Variants in AUTS2 observed in about 807,000 individuals in gnomAD.
AUTS2 encodes activator of transcription and developmental regulator AUTS2, also known as autism susceptibility gene 2 protein.
AUTS2 carries 17 observed loss-of-function variants against 112.4 expected under a neutral mutation model. That is an observed-to-expected ratio of 0.15 (90% CI 0.10 to 0.23). The LOEUF (loss-of-function observed/expected upper bound fraction) is 0.23, where lower values mean the gene tolerates loss of function less well. Among genes scored for constraint, AUTS2 ranks in the 10% least tolerant of loss-of-function variants. AUTS2 has a pLI of 1.00. For missense variants in AUTS2, 1,510 were observed against 1,701.6 expected (o/e 0.89, Z 1.98); for synonymous variants, 751 against 702.7 (o/e 1.07, Z -1.09).
chr7:70,422,057 C>T (rs558840893), intron 4 of AUTS2, among the ~76,000 whole-genome samples: 1 of 152,082 alleles, frequency 6.6e-6, no homozygotes, highest in East Asian at 1.9e-4. Context: ...AGGAATTCTA[C>T]AAAGGGCAAA....
At chr7:70,535,550 A>C (rs978921836) in intron 5 of AUTS2, among the ~76,000 whole-genome samples, 1 of 152,002 alleles carries the variant, frequency 6.6e-6, no homozygotes, top group African/African-American at 2.4e-5. Context: ...GAGTAGCTGG[A>C]ATTACAGGCA....
intron 6 of AUTS2, among the ~76,000 whole-genome samples, chr7:70,742,024 G>T (rs781063646): frequency 6.6e-6 from 1 of 152,196 alleles, no homozygotes; most frequent in African/African-American, 2.4e-5. Flanking sequence ...CTAAGCAAAC[G>T]TTACATTCAC....
intron 6 of AUTS2, among the ~76,000 whole-genome samples, chr7:70,749,354 G>T (rs1342481590): frequency 6.6e-6 from 1 of 152,102 alleles, no homozygotes; most frequent in African/African-American, 2.4e-5. Context: ...GGGCTGGGCG[G>T]CACGGGGAGG....
Position 69,599,604 on chromosome 7 carries a change from C to T in AUTS2, c.-50C>T. On this transcript the variant is annotated 5_prime_UTR_variant, in exon 1 of 19. Transcript: ENST00000342771. The surrounding 1 kb of genome is among the most constrained non-coding windows in gnomAD (Gnocchi z 7.0). ...GTGTCAATTTTTTTTTGTGTGGCTG[C>T]GGCCGTAGCCTGTGGCGGGCAAGCG... The T allele has an allele frequency of 8.0e-7, 1 of 1,251,534 alleles. No homozygotes were observed. 77.5% of individuals were successfully genotyped at this position (1,251,534 alleles called of 1,614,324 possible).
At chr7:69,999,928 G>A (rs931552488) in intron 2 of AUTS2, among the ~76,000 whole-genome samples, 2 of 152,158 alleles carry the variant, frequency 1.3e-5, no homozygotes, top group Admixed American at 6.5e-5. Context: ...GTTCTACCAG[G>A]AGTGGCTCAT....
chr7:70,782,494 G>A (rs1791157103), intron 15 of AUTS2: 2 of 152,246 alleles, frequency 1.3e-5, no homozygotes, highest in Admixed American at 6.5e-5. Flanking sequence ...GACAGCGGCT[G>A]TAAGGACTGT....
At chr7:70,784,886 G>A in intron 15 of AUTS2, 56 bp from the exon 16 acceptor site, 1 of 1,529,384 alleles carries the variant, frequency 6.5e-7, no homozygotes, top group Admixed American at 1.7e-5. Flanking sequence ...GAAGCCGGTT[G>A]CATCTTCGAA....
At chr7:70,677,996 G>A (rs1265511040) in intron 5 of AUTS2, among the ~76,000 whole-genome samples, 1 of 152,038 alleles carries the variant, frequency 6.6e-6, no homozygotes, top group African/African-American at 2.4e-5. Context: ...GCAGGAGAAT[G>A]GCGTGAACCC....
At chr7:70,498,275 TTC>T (rs1313510922) in intron 5 of AUTS2, among the ~76,000 whole-genome samples, 2 of 152,238 alleles carry the variant, frequency 1.3e-5, no homozygotes, top group Non-Finnish European at 2.9e-5. Flanking sequence ...ATTTGAAAAC[TTC>T]TTAAATTCTG....
At chr7:70,107,398 C>T (rs1186589739) in intron 2 of AUTS2, among the ~76,000 whole-genome samples, 2 of 124,378 alleles carry the variant, frequency 1.6e-5, no homozygotes, top group African/African-American at 6.1e-5. Context: ...GGCTGGAGTT[C>T]AGTAGCGTGA....
chr7:70,520,951 T>A (rs1450745929), intron 5 of AUTS2, among the ~76,000 whole-genome samples: 1 of 152,220 alleles, frequency 6.6e-6, no homozygotes, highest in Admixed American at 6.5e-5. Flanking sequence ...TTCCTTTCAT[T>A]TTTTTTGCAG....
At chr7:70,093,700 T>A (rs940258080) in intron 2 of AUTS2, among the ~76,000 whole-genome samples, 1 of 152,204 alleles carries the variant, frequency 6.6e-6, no homozygotes, top group Non-Finnish European at 1.5e-5. Context: ...TGCCTGGGCT[T>A]AAGGCCAGGA....
At chr7:69,689,989 G>A (rs751946661) in intron 1 of AUTS2, among the ~76,000 whole-genome samples, 1 of 151,926 alleles carries the variant, frequency 6.6e-6, no homozygotes, top group Non-Finnish European at 1.5e-5. Flanking sequence ...CACTGCGCCC[G>A]GCCAACTCCT....
chr7:69,924,553 T>C (rs947787909), intron 2 of AUTS2, among the ~76,000 whole-genome samples: 4 of 151,620 alleles, frequency 2.6e-5, no homozygotes, highest in South Asian at 2.1e-4. Context: ...CTTTTCTTTT[T>C]TTTTTTTCTT....
At chr7:69,793,388 A>G (rs1281849491) in intron 1 of AUTS2, among the ~76,000 whole-genome samples, 3 of 152,208 alleles carry the variant, frequency 2.0e-5, no homozygotes, top group Non-Finnish European at 2.9e-5. Context: ...GGGGCCTGGG[A>G]CAGATAAGTA....
At chr7:69,866,532 C>A (rs1043295769) in intron 1 of AUTS2, among the ~76,000 whole-genome samples, 1 of 152,162 alleles carries the variant, frequency 6.6e-6, no homozygotes, top group Non-Finnish European at 1.5e-5. Flanking sequence ...GCTGGATGAT[C>A]ATCATTTTGA....
chr7:70,189,133 C>T (rs1160974213), intron 4 of AUTS2, among the ~76,000 whole-genome samples: 2 of 152,266 alleles, frequency 1.3e-5, no homozygotes, highest in African/African-American at 4.8e-5. Flanking sequence ...TGCGTAGGCT[C>T]ATCCTCATTT....
At chr7:70,052,125 TAG>T (rs2129559425) in intron 2 of AUTS2, among the ~76,000 whole-genome samples, 1 of 152,300 alleles carries the variant, frequency 6.6e-6, no homozygotes, top group East Asian at 1.9e-4. Flanking sequence ...CAGCAAGACA[TAG>T]AGTGATCTTA....
chr7:70,184,513 GT>G (rs1809496044), intron 4 of AUTS2, among the ~76,000 whole-genome samples: 1 of 152,066 alleles, frequency 6.6e-6, no homozygotes, highest in African/African-American at 2.4e-5. Context: ...TGTAATCCTT[GT>G]TTTTAGAACA....
Sources: allele counts gnomAD v4.1 joint callset (sites outside exome capture counted in the v4.1 genomes callset), GRCh38; gene constraint gnomAD v4.1.1; non-coding constraint Gnocchi (gnomAD v3.1); transcripts MANE v1.5; gene names NCBI Gene and HGNC (gene_info 2026-07-23, HGNC 2026-07-21).